TGFBRAP1: variants seen among roughly 807,000 people sequenced by gnomAD.
TGFBRAP1 encodes the protein transforming growth factor beta receptor associated protein 1, also known as transforming growth factor-beta receptor-associated protein 1.
TGFBRAP1 carries 20 observed loss-of-function variants against 83.2 expected under a neutral mutation model. The observed-to-expected ratio is 0.24, with a 90% CI of 0.17 to 0.35. TGFBRAP1 has a LOEUF of 0.35. TGFBRAP1 is among the 10% of genes least tolerant of loss of function. The pLI, the probability that TGFBRAP1 is intolerant of heterozygous loss-of-function variation, is 1.00. For missense variants in TGFBRAP1, 950 were observed against 1,099.4 expected (o/e 0.86, Z 1.92); for synonymous variants, 415 against 459.8 (o/e 0.90, Z 1.25).
chr2:105,300,753 C>G (rs922742167), intron 2 of TGFBRAP1, among the ~76,000 whole-genome samples: 7 of 151,874 alleles, frequency 4.6e-5, no homozygotes, highest in African/African-American at 1.7e-4. Flanking sequence ...ATCTTTATAA[C>G]TAAAACAGTT....
At chr2:105,318,355 G>A (rs1221637192) in intron 1 of TGFBRAP1, among the ~76,000 whole-genome samples, 2 of 152,168 alleles carry the variant, frequency 1.3e-5, no homozygotes, top group South Asian at 2.1e-4. Context: ...GATTCCCAAC[G>A]GTCAGTAATG....
intron 7 of TGFBRAP1, among the ~76,000 whole-genome samples, 200 bp from the exon 8 acceptor site, chr2:105,275,903 G>T (rs185265469): frequency 4.7e-5 from 7 of 150,520 alleles, no homozygotes; most frequent in Non-Finnish European, 1.0e-4. Context: ...CATAGTCCAA[G>T]AAATAAAAAA....
intron 8 of TGFBRAP1, among the ~76,000 whole-genome samples, chr2:105,274,957 G>C (rs1257916569): frequency 6.6e-6 from 1 of 152,194 alleles, no homozygotes; most frequent in African/African-American, 2.4e-5. Flanking sequence ...GGTCACCTGT[G>C]GGGCTTTACT....
intron 10 of TGFBRAP1, among the ~76,000 whole-genome samples, chr2:105,271,158 G>A (rs1470477547): frequency 1.3e-5 from 2 of 152,092 alleles, no homozygotes; most frequent in East Asian, 1.9e-4. Context: ...TGGGTTCCTC[G>A]GCCCTTCTAG....
the TGFBRAP1 span, among the ~76,000 whole-genome samples, chr2:105,250,014 CAG>C: frequency 6.6e-6 from 1 of 152,318 alleles, no homozygotes; most frequent in Non-Finnish European, 1.5e-5. Flanking sequence ...GTTACTTTAG[CAG>C]AGAGTTCCAA....
chr2:105,303,254 A>G (rs1379011427), intron 2 of TGFBRAP1, among the ~76,000 whole-genome samples: 7 of 152,206 alleles, frequency 4.6e-5, no homozygotes, highest in African/African-American at 1.7e-4. Flanking sequence ...ACATAGCAAG[A>G]CCTCGTTTCT....
chr2:105,311,412 T>C (rs1678687928), intron 1 of TGFBRAP1, among the ~76,000 whole-genome samples: 1 of 151,928 alleles, frequency 6.6e-6, no homozygotes. Flanking sequence ...CTTAACCCTG[T>C]CTCTACAAAA....
chr2:105,281,734 A>C (rs1677544919), intron 5 of TGFBRAP1, among the ~76,000 whole-genome samples: 1 of 151,982 alleles, frequency 6.6e-6, no homozygotes. Flanking sequence ...AGACCCACTT[A>C]TGTTGCCAGT....
chr2:105,273,549 G>C lies in TGFBRAP1; in HGVS notation c.1807C>G (p.Leu603Val). The C allele has an allele frequency of 6.2e-7, 1 of 1,614,104 alleles. No individual in the cohort carries two copies. Among genetic ancestry groups the C allele is most frequent in the Non-Finnish European group, 8.5e-7 (1 of 1,180,010 alleles). ...CTAACTTCTGCAGTGCTCACCTGCA[G>C]TCTCTTGTCTATCACAAGATGTTCC... is the stretch of plus-strand genomic sequence containing the variant. ...YLEHLVIDKR[L>V]QKEEYHTHLA... Residue 603 changes from leucine to valine, a missense_variant, in exon 9 of 12, where the codon CTG (leucine) becomes GTG (valine). Coordinates refer to ENST00000393359, the MANE Select transcript of TGFBRAP1 (RefSeq NM_004257.6).
rs575626358 is a variant in TGFBRAP1 at position 105,270,039 on chromosome 2, C to A, written c.1973-334G>T. ...CAGTGAGTATCAGCCTTCCAGGTCT[C>A]CAGTCACTCCATCATCACTCCTATC... On this transcript the variant is annotated intron_variant, in intron 10 of 11. Coordinates refer to ENST00000393359, the MANE Select transcript of TGFBRAP1 (RefSeq NM_004257.6). 7.9e-5 allele frequency among the ~76,000 whole-genome samples: 12 copies of A among 152,274 alleles called. No individual in the cohort carries two copies. The South Asian group carries it at 2.5e-3, about 32-fold the overall frequency.
chr2:105,285,620 C>T lies in TGFBRAP1; in HGVS notation c.1039-1222G>A, dbSNP rs1385923509. Reference sequence around the variant, plus strand: ...TGGAACCTCGGTGTTGAAATGCTATCAACCCTGTTCTCTCAAATTACCTTT... The same window carrying T: ...TGGAACCTCGGTGTTGAAATGCTATTAACCCTGTTCTCTCAAATTACCTTT... On this transcript the variant is annotated intron_variant, in intron 4 of 11. Transcript: ENST00000393359. Among the ~76,000 whole-genome samples the T allele has an allele frequency of 2.0e-5, 3 of 152,232 alleles. No individual in the cohort carries two copies. The East Asian group carries it at 5.8e-4, about 29-fold the overall frequency.
chr2:105,257,719 A>G, the TGFBRAP1 span, among the ~76,000 whole-genome samples: 1 of 152,236 alleles, frequency 6.6e-6, no homozygotes, highest in Non-Finnish European at 1.5e-5. Flanking sequence ...GCTATTTCAT[A>G]TATTCATATC....
rs1304981295 is a variant in TGFBRAP1, at chr2:105,296,267, A to G, written c.1038+89T>C. On this transcript the variant is annotated intron_variant, in intron 4 of 11. Transcript: ENST00000393359. ...AAAAGCAGTGTGTACAGCCCGGTAC[A>G]CAGGAAGGGCCGATGCATGTTAGTT... 4 of 1,512,446 alleles carry G rather than the reference A, an allele frequency of 2.6e-6. No homozygotes were observed. The East Asian group carries it at 9.0e-5, about 34-fold the overall frequency. The allele number at this position is 1,512,446 out of a possible 1,614,324, so 93.7% of individuals were successfully genotyped here.
intron 6 of TGFBRAP1, among the ~76,000 whole-genome samples, chr2:105,278,786 T>G (rs185002222): frequency 1.6e-4 from 25 of 152,106 alleles, no homozygotes; most frequent in Admixed American, 5.2e-4. Flanking sequence ...AATCCTTCTC[T>G]TTTCCTCAAC....
chr2:105,294,386 G>A (rs913270278), intron 4 of TGFBRAP1, among the ~76,000 whole-genome samples: 2 of 151,666 alleles, frequency 1.3e-5, no homozygotes, highest in Non-Finnish European at 2.9e-5. Flanking sequence ...ATGCTTCAAG[G>A]TTGTGGACTT....
intron 1 of TGFBRAP1, among the ~76,000 whole-genome samples, chr2:105,314,407 C>A (rs1022860639): frequency 1.3e-5 from 2 of 151,608 alleles, no homozygotes; most frequent in Non-Finnish European, 2.9e-5. Flanking sequence ...CCTGCCACCA[C>A]GCCTGGCTAA....
downstream of TGFBRAP1, among the ~76,000 whole-genome samples, chr2:105,263,579 G>C (rs1033448201): frequency 6.7e-6 from 1 of 149,576 alleles, no homozygotes; most frequent in Non-Finnish European, 1.5e-5. Flanking sequence ...AATGAAATAG[G>C]GTCAGAATAC....
intron 2 of TGFBRAP1, among the ~76,000 whole-genome samples, chr2:105,306,061 G>GTTTTTTTTTTTTTTT: frequency 1.3e-5 from 1 of 74,928 alleles, no homozygotes; most frequent in Middle Eastern, 6.8e-3. Context: ...TTTGTTTTTT[G>GTTTTTTTTTTTTTTT]TTTTTTGTTT....
intron 1 of TGFBRAP1, among the ~76,000 whole-genome samples, chr2:105,317,244 C>T (rs1287322411): frequency 6.6e-6 from 1 of 152,128 alleles, no homozygotes; most frequent in Admixed American, 6.5e-5. Flanking sequence ...GGAGATCATC[C>T]TGCCCAACAT....
Sources: gnomAD v4.1 joint callset for allele counts (sites outside exome capture counted in the v4.1 genomes callset) on GRCh38, gnomAD v4.1.1 for gene constraint, MANE v1.5 for transcripts, NCBI Gene and HGNC (gene_info 2026-07-23, HGNC 2026-07-21) for gene names.